CNBD1: variants seen among roughly 807,000 people sequenced by gnomAD.
CNBD1 encodes the protein cyclic nucleotide binding domain containing 1, also known as cyclic nucleotide-binding domain-containing protein 1.
Under a neutral mutation model 54.4 loss-of-function variants are expected in CNBD1, and 71 were observed. The ratio of observed to expected loss-of-function variants is 1.30; its 90% CI spans 1.08 to 1.59. The LOEUF is 1.59. Among genes scored for constraint, CNBD1 ranks in the 40% most tolerant of loss-of-function variants. The pLI is 0.00. For missense variants in CNBD1, 659 were observed against 518.0 expected, an observed-to-expected ratio of 1.27 and a Z score of -2.64; for synonymous variants, 182 against 170.7, an observed-to-expected ratio of 1.07 and a Z score of -0.51.
intron 5 of CNBD1, among the ~76,000 whole-genome samples, chr8:87,209,071 TAGA>T (rs1421740499): frequency 6.6e-6 from 1 of 152,016 alleles, no homozygotes; most frequent in African/African-American, 2.4e-5. Context: ...ATTCTTATAA[TAGA>T]AGAAATAAAA....
chr8:87,307,076 T>C (rs777103726), intron 8 of CNBD1, among the ~76,000 whole-genome samples: 5 of 152,212 alleles, frequency 3.3e-5, no homozygotes, highest in Admixed American at 1.3e-4. Flanking sequence ...GACTCTTATC[T>C]ACATCTAAAT....
intron 2 of CNBD1, among the ~76,000 whole-genome samples, chr8:86,897,213 C>T (rs1048993727): frequency 4.6e-5 from 7 of 151,868 alleles, no homozygotes; most frequent in East Asian, 3.9e-4. Context: ...CACTGGGCCC[C>T]GCAAATTATA....
chr8:87,330,339 A>G (rs1809798219), intron 8 of CNBD1, among the ~76,000 whole-genome samples: 1 of 149,660 alleles, frequency 6.7e-6, no homozygotes, highest in African/African-American at 2.5e-5. Flanking sequence ...TCTGGTTTCA[A>G]TTTTATTAAT....
intron 4 of CNBD1, among the ~76,000 whole-genome samples, chr8:87,205,312 G>A (rs1015767503): frequency 3.3e-5 from 5 of 152,122 alleles, no homozygotes; most frequent in South Asian, 2.1e-4. Context: ...GATTACAGGC[G>A]TGAGCCACCA....
intron 4 of CNBD1, among the ~76,000 whole-genome samples, chr8:86,965,237 CAAT>C (rs1808039956): frequency 6.6e-6 from 1 of 152,076 alleles, no homozygotes; most frequent in Non-Finnish European, 1.5e-5. Context: ...AAGAAAGAAA[CAAT>C]AATAGGAAAG....
chr8:87,029,912 C>T (rs538036273), intron 4 of CNBD1, among the ~76,000 whole-genome samples: 6 of 152,022 alleles, frequency 3.9e-5, no homozygotes, highest in African/African-American at 1.5e-4. Context: ...GTGCCTATGA[C>T]AGGCACATAT....
chr8:86,874,353 A>T (rs1330867881), intron 1 of CNBD1, among the ~76,000 whole-genome samples: 1 of 152,140 alleles, frequency 6.6e-6, no homozygotes, highest in Non-Finnish European at 1.5e-5. Context: ...ATTAGATTTG[A>T]GGTAGACATC....
intron 8 of CNBD1, among the ~76,000 whole-genome samples, chr8:87,322,850 T>C (rs1809567944): frequency 8.6e-6 from 1 of 116,508 alleles, no homozygotes; most frequent in Admixed American, 8.6e-5. Context: ...TGCCATTGCT[T>C]TTGGTGTTTT....
chr8:86,898,141 T>C (rs1338871032), intron 2 of CNBD1, among the ~76,000 whole-genome samples: 1 of 152,182 alleles, frequency 6.6e-6, no homozygotes, highest in Non-Finnish European at 1.5e-5. Flanking sequence ...GGTATATCTT[T>C]TGTATACAAA....
chr8:87,071,351 T>C (rs563710575), intron 4 of CNBD1, among the ~76,000 whole-genome samples: 1 of 152,254 alleles, frequency 6.6e-6, no homozygotes, highest in African/African-American at 2.4e-5. Flanking sequence ...ATTGCTGCAA[T>C]TCAGACATTT....
chr8:87,375,536 A>C (rs1377528917), intron 10 of CNBD1, among the ~76,000 whole-genome samples: 1 of 151,784 alleles, frequency 6.6e-6, no homozygotes, highest in Non-Finnish European at 1.5e-5. Context: ...AGCATTCCTT[A>C]TAAGTTTTTA....
intron 4 of CNBD1, among the ~76,000 whole-genome samples, chr8:86,972,854 G>A (rs1808255166): frequency 2.0e-5 from 3 of 152,138 alleles, no homozygotes; most frequent in Admixed American, 2.0e-4. Flanking sequence ...AAATGCCATA[G>A]TAGTCCCTCT....
chr8:87,270,957 T>A (rs1808351147), intron 6 of CNBD1, among the ~76,000 whole-genome samples: 1 of 151,844 alleles, frequency 6.6e-6, no homozygotes, highest in Non-Finnish European at 1.5e-5. Context: ...TTACTCATTA[T>A]TTGTTTGTTG....
At chr8:87,037,334 A>G (rs1368369671) in intron 4 of CNBD1, among the ~76,000 whole-genome samples, 2 of 151,784 alleles carry the variant, frequency 1.3e-5, no homozygotes, top group Non-Finnish European at 2.9e-5. Flanking sequence ...TTTTCCATTC[A>G]TTTTCCTGAA....
chr8:87,215,662 G>A (rs1814194587), intron 5 of CNBD1, among the ~76,000 whole-genome samples: 1 of 151,652 alleles, frequency 6.6e-6, no homozygotes, highest in Non-Finnish European at 1.5e-5. Flanking sequence ...GAGATTCAAT[G>A]TATCTTTACA....
At chr8:87,043,947 T>C (rs1810127778) in intron 4 of CNBD1, among the ~76,000 whole-genome samples, 1 of 152,234 alleles carries the variant, frequency 6.6e-6, no homozygotes, top group South Asian at 2.1e-4. Flanking sequence ...TCTGTGATAT[T>C]TTACTTCTAC....
intron 2 of CNBD1, among the ~76,000 whole-genome samples, chr8:86,892,730 C>T (rs1289825316): frequency 6.6e-6 from 1 of 152,026 alleles, no homozygotes; most frequent in Non-Finnish European, 1.5e-5. Context: ...TCCTGGAAAA[C>T]CCTTTACAGT....
chr8:87,332,951 A>G (rs1809867498), intron 8 of CNBD1, among the ~76,000 whole-genome samples: 2 of 152,158 alleles, frequency 1.3e-5, no homozygotes, highest in Admixed American at 6.5e-5. Context: ...GAATATATAA[A>G]TTACTTTGGG....
chr8:87,050,066 G>T (rs991300245), intron 4 of CNBD1, among the ~76,000 whole-genome samples: 1 of 152,172 alleles, frequency 6.6e-6, no homozygotes, highest in Non-Finnish European at 1.5e-5. Flanking sequence ...GCTTTAGCTA[G>T]TTAAAGGATT....
Sources: gnomAD v4.1 joint callset for allele counts (sites outside exome capture counted in the v4.1 genomes callset) on GRCh38, gnomAD v4.1.1 for gene constraint, MANE v1.5 for transcripts, NCBI Gene and HGNC (gene_info 2026-07-23, HGNC 2026-07-21) for gene names.